The following CHD9 variants were observed in gnomAD, a reference collection of about 807,000 sequenced individuals.
CHD9 encodes chromodomain helicase DNA binding protein 9, also known as ATP-dependent chromatin remodeler CHD9.
Under a neutral mutation model 316.1 loss-of-function variants are expected in CHD9, and 77 were observed. That is an observed-to-expected ratio of 0.24 (90% CI 0.20 to 0.29). The LOEUF (loss-of-function observed/expected upper bound fraction) is 0.29. Among genes scored for constraint, CHD9 ranks in the 10% least tolerant of loss-of-function variants. The probability of loss-of-function intolerance (pLI) is 1.00; values close to 1 mark genes in which losing one functional copy is unlikely to be tolerated. For synonymous variants in CHD9, 1,129 were observed against 1,158.3 expected, an observed-to-expected ratio of 0.97 and a Z score of 0.51; for missense variants, 2,763 against 3,438.1, an observed-to-expected ratio of 0.80 and a Z score of 4.91.
chr16:53,072,763 TG>T (rs1567307960), intron 1 of CHD9, among the ~76,000 whole-genome samples: 4 of 152,068 alleles, frequency 2.6e-5, no homozygotes, highest in African/African-American at 9.7e-5. Context: ...GGCACAATCT[TG>T]GCTCACTGCA....
At chr16:53,179,768 G>C (rs1423026116) in intron 2 of CHD9, among the ~76,000 whole-genome samples, 1 of 151,614 alleles carries the variant, frequency 6.6e-6, no homozygotes, top group Non-Finnish European at 1.5e-5. Context: ...GTGGTGGCAC[G>C]CACCTGTAAT....
chr16:53,099,936 G>A (rs1253288238), intron 1 of CHD9, among the ~76,000 whole-genome samples: 1 of 152,208 alleles, frequency 6.6e-6, no homozygotes, highest in East Asian at 1.9e-4. Flanking sequence ...TGTGTGCAGG[G>A]CGGGGGAGGA....
chr16:53,220,418 A>T (rs1171132284), intron 3 of CHD9, among the ~76,000 whole-genome samples: 4 of 152,134 alleles, frequency 2.6e-5, no homozygotes, highest in Non-Finnish European at 5.9e-5. Flanking sequence ...CTACTTCCAC[A>T]ATAAAAAATT....
At chr16:53,304,693 C>CTTTTCTTTTCTT in intron 31 of CHD9, 68 bp downstream of exon 31, 1 of 769,160 alleles carries the variant, frequency 1.3e-6, no homozygotes, top group Non-Finnish European at 1.7e-6. Context: ...CTTTTCTTTT[C>CTTTTCTTTTCTT]TTTTTTTTTT....
intron 2 of CHD9, among the ~76,000 whole-genome samples, chr16:53,176,275 C>T (rs2043092527): frequency 1.3e-5 from 2 of 152,188 alleles, no homozygotes; most frequent in South Asian, 4.1e-4. Context: ...AATGGCTGGT[C>T]AAGTCTTTCT....
chr16:53,102,619 G>T (rs567776998), intron 1 of CHD9, among the ~76,000 whole-genome samples: 3 of 152,192 alleles, frequency 2.0e-5, no homozygotes, highest in South Asian at 4.2e-4. Context: ...AGAGGCCAGA[G>T]GTGGGAGAAT....
chr16:53,228,915 T>C (rs1037894922), intron 7 of CHD9, 68 bp from the exon 8 acceptor site: 1 of 709,912 alleles, frequency 1.4e-6, no homozygotes, highest in Non-Finnish European at 2.3e-6. Context: ...TTGGATGTTA[T>C]GATTTAAAAT....
chr16:53,275,291 G>C (rs1296385004), intron 24 of CHD9, among the ~76,000 whole-genome samples: 1 of 152,044 alleles, frequency 6.6e-6, no homozygotes, highest in Non-Finnish European at 1.5e-5. Context: ...GCCTCCCAAA[G>C]TGCTGGGATT....
Position 53,222,627 on chromosome 16 carries a change from T to C in CHD9, c.1785-17T>C. On this transcript the variant is annotated splice_polypyrimidine_tract_variant and intron_variant, in intron 3 of 38. Transcript: ENST00000447540. ...TTCAAAGAATTCATACTTTTTATTCTTTTCCTCTTGAAACAGCAAACTCAT... is the reference window on the plus strand; with the variant it reads ...TTCAAAGAATTCATACTTTTTATTCCTTTCCTCTTGAAACAGCAAACTCAT... 1.7e-6 allele frequency: 2 copies of C among 1,144,478 alleles called. No individual in the cohort carries two copies. The highest frequency in any genetic ancestry group is 1.3e-6 in the Non-Finnish European group (1 of 786,268). 70.9% of individuals were successfully genotyped at this position (1,144,478 alleles called of 1,614,324 possible).
chr16:53,249,876 T>C lies in CHD9; in HGVS notation c.3671T>C (p.Leu1224Ser), dbSNP rs192610097. ...TATTCCATTTCATTCCATAGATACT[T>C]ATATGAGCGAATTGATGGCAGAGTC... ...LEDYLIHKRYLYERIDGRVRG... is the reference protein window; with the variant it reads ...LEDYLIHKRYSYERIDGRVRG... The change falls in exon 17 of 39, where the codon TTA (leucine) becomes TCA (serine). Residue 1224 changes from leucine to serine, a missense_variant. Coordinates refer to ENST00000447540, the MANE Select transcript of CHD9 (RefSeq NM_001308319.2). 8.1e-5 allele frequency: 130 copies of C among 1,609,876 alleles called. No individual in the cohort carries two copies. Among genetic ancestry groups the C allele is most frequent in the Non-Finnish European group, 1.0e-4 (123 of 1,176,146 alleles).
Position 53,156,387 on chromosome 16 carries a change from T to C in CHD9, c.298T>C (p.Phe100Leu), listed in dbSNP as rs1369709551. ...ACATGTGTTATCTCCACACTCTCAG[T>C]TTAATTGTTCTCCAATCCATCCCCA... ...AEHVLSPHSQ[F>L]NCSPIHPQNQ... is the part of the protein sequence containing the mutation. Residue 100 changes from phenylalanine to leucine, a missense_variant, in exon 2 of 39, where the codon TTT becomes CTT. This residue lies in a region of CHD9 where 859 missense variants were observed against 890.4 expected (regional missense o/e 0.96). Coordinates refer to ENST00000447540, the MANE Select transcript of CHD9 (RefSeq NM_001308319.2). 1 of 1,614,026 alleles carries C rather than the reference T, an allele frequency of 6.2e-7. No homozygotes were observed. The highest frequency in any genetic ancestry group is 2.2e-5 in the East Asian group (1 of 44,886).
chr16:53,229,089 T>G lies in CHD9; in HGVS notation c.2275T>G (p.Phe759Val). ...FKLRQAQRAHFFADMEEEPFN... is the reference protein window; with the variant it reads ...FKLRQAQRAHVFADMEEEPFN... The stretch of plus-strand genomic sequence containing the variant: ...ATTGAGACAAGCACAAAGAGCACAT[T>G]TTTTTGCAGACGTAAGAAAAAAATA... Residue 759 changes from phenylalanine to valine, a missense_variant, in exon 8 of 39, where the codon TTT becomes GTT. Physicochemically the swap from Phe to Val is conservative, Grantham distance 50. Around this residue, in one of 15 missense-constraint regions of CHD9, gnomAD observed 859 missense variants for 890.4 expected, o/e 0.96. Transcript: ENST00000447540. 6.4e-7 allele frequency: 1 copy of G among 1,569,384 alleles called. No homozygotes were observed. Among genetic ancestry groups the G allele is most frequent in the Non-Finnish European group, 8.7e-7 (1 of 1,152,998 alleles).
chr16:53,156,262 G>A lies in CHD9; in HGVS notation c.173G>A (p.Gly58Asp). 6.2e-7 allele frequency: 1 copy of A among 1,613,924 alleles called. No individual in the cohort carries two copies. The highest frequency in any genetic ancestry group is 1.1e-5 in the South Asian group (1 of 91,078). ...ATAGATTCACTGAACCATGTTCAAGGTACTCCAACACATCAGAAGATGACT... is the reference window on the plus strand; with the variant it reads ...ATAGATTCACTGAACCATGTTCAAGATACTCCAACACATCAGAAGATGACT... Reference protein sequence around the residue: ...LHIDSLNHVQGTPTHQKMTDF... With the variant: ...LHIDSLNHVQDTPTHQKMTDF... The change falls in exon 2 of 39, where the codon GGT becomes GAT. Residue 58 changes from glycine to aspartate, a missense_variant. This residue lies in a region of CHD9 where 859 missense variants were observed against 890.4 expected (regional missense o/e 0.96). Coordinates refer to ENST00000447540, the MANE Select transcript of CHD9 (RefSeq NM_001308319.2).
chr16:53,122,544 CTTTT>C (rs35643983), intron 1 of CHD9, among the ~76,000 whole-genome samples: 8 of 129,864 alleles, frequency 6.2e-5, no homozygotes, highest in South Asian at 2.5e-4. Flanking sequence ...CTGGGAATCC[CTTTT>C]TTTTTTTTTT....
chr16:53,310,779 A>T (rs1222436585), intron 34 of CHD9: 2 of 151,200 alleles, frequency 1.3e-5, no homozygotes, highest in African/African-American at 4.9e-5. Context: ...TGAATCCGGG[A>T]GGCGGAGGTT....
At chr16:53,093,393 C>G (rs1567322540) in intron 1 of CHD9, among the ~76,000 whole-genome samples, 1 of 152,192 alleles carries the variant, frequency 6.6e-6, no homozygotes, top group Non-Finnish European at 1.5e-5. Context: ...CTATGCGTGG[C>G]ACATAGCCAA....
intron 2 of CHD9, among the ~76,000 whole-genome samples, chr16:53,178,163 C>A (rs1048776860): frequency 6.6e-6 from 1 of 152,130 alleles, no homozygotes; most frequent in Non-Finnish European, 1.5e-5. Flanking sequence ...CTTTTGACCC[C>A]AGGAGGACTA....
intron 2 of CHD9, among the ~76,000 whole-genome samples, chr16:53,195,290 A>T (rs1243711613): frequency 6.6e-6 from 1 of 152,206 alleles, no homozygotes. Context: ...TTAGTTTTGC[A>T]TGTTATTGAA....
At chr16:53,167,699 T>C (rs187967828) in intron 2 of CHD9, among the ~76,000 whole-genome samples, 7 of 152,194 alleles carry the variant, frequency 4.6e-5, no homozygotes, top group Admixed American at 3.3e-4. Context: ...GTGTATATCA[T>C]ATATACATAT....
Sources: allele counts gnomAD v4.1 joint callset (sites outside exome capture counted in the v4.1 genomes callset), GRCh38; gene constraint gnomAD v4.1.1; regional missense constraint gnomAD v4.1.1; transcripts MANE v1.5; gene names NCBI Gene and HGNC (gene_info 2026-07-23, HGNC 2026-07-21).